SYCE2: variants seen among roughly 807,000 people sequenced by gnomAD.
SYCE2 encodes the protein central element synaptonemal complex 1.
In SYCE2, 3 loss-of-function variants were observed where a neutral mutation model predicts 27.9. The observed-to-expected ratio is 0.11, with a 90% CI of 0.05 to 0.28. SYCE2 has a LOEUF of 0.28. Ranked by LOEUF, SYCE2 falls within the 10% of genes least tolerant of loss-of-function variation. The probability of loss-of-function intolerance (pLI) is 1.00; values close to 1 mark genes in which losing one functional copy is unlikely to be tolerated. For missense variants in SYCE2, 207 were observed against 263.5 expected (o/e 0.79, Z 1.48); for synonymous variants, 85 against 100.7 (o/e 0.84, Z 0.93).
At position 12,911,615 on chromosome 19, in the gene SYCE2, CTTTTTTTT is replaced by C. The variant is rs71168633; in HGVS notation, c.131+6599_131+6606del. Reference sequence around the variant, plus strand: ...CCAACCATGCCTGGATAATTTTTGCCTTTTTTTTTTTTTTTTTTTTTAGACGAGGTCTC... The same window carrying C: ...CCAACCATGCCTGGATAATTTTTGCCTTTTTTTTTTTTTAGACGAGGTCTC... On this transcript the variant is annotated intron_variant, in intron 2 of 5. Transcript: ENST00000293695. 3.9e-5 allele frequency among the ~76,000 whole-genome samples: 4 copies of C among 103,748 alleles called. 1 individual carries two copies. The highest frequency in any genetic ancestry group is 1.2e-4 in the Admixed American group (1 of 8,114). 68.1% of individuals were successfully genotyped at this position (103,748 alleles called of 152,430 possible). A position where few individuals can be genotyped will look rare whatever the true frequency, so the allele number is the denominator to read the frequency against.
intron 2 of SYCE2, among the ~76,000 whole-genome samples, chr19:12,915,266 T>C (rs1240074199): frequency 6.6e-6 from 1 of 152,138 alleles, no homozygotes; most frequent in East Asian, 1.9e-4. Context: ...TGAGAATGGT[T>C]GTCCAGCTCT....
At position 12,918,280 on chromosome 19, in the gene SYCE2, T is replaced by C; in HGVS notation, c.73A>G (p.Lys25Glu). 4 of 1,614,170 alleles carry C rather than the reference T, an allele frequency of 2.5e-6. No individual in the cohort carries two copies. Among genetic ancestry groups the C allele is most frequent in the Non-Finnish European group, 3.4e-6 (4 of 1,180,016 alleles). ...DQEPQPLGES[K>E]EHPRWEENCE... The stretch of plus-strand genomic sequence containing the variant: ...TTCTCTTCCCACCGCGGATGCTCCT[T>C]GCTCTCCCCCAAGGGCTGCGGTTCC... Residue 25 changes from lysine to glutamate, a missense_variant, in exon 2 of 6, where the codon AAG becomes GAG. By Grantham distance (56) the Lys-to-Glu change is moderately conservative (BLOSUM62 1). Coordinates refer to ENST00000293695, the MANE Select transcript of SYCE2 (RefSeq NM_001105578.2).
At position 12,907,050 on chromosome 19, in the gene SYCE2, G is replaced by A. The variant is rs73004676; in HGVS notation, c.132-2384C>T. Among the ~76,000 whole-genome samples, 756 of 152,268 alleles carry A rather than the reference G, an allele frequency of 5.0e-3. 3 individuals carry two copies. Among genetic ancestry groups the A allele is most frequent in the Non-Finnish European group, 7.9e-3 (539 of 68,020 alleles). The stretch of plus-strand genomic sequence containing the variant: ...ATATTTTTTCTTCTTCTGATGCTCT[G>A]GTTTATTTGACCGGTTTGACGTCTG... On this transcript the variant is annotated intron_variant, in intron 2 of 5. Coordinates refer to ENST00000293695, the MANE Select transcript of SYCE2 (RefSeq NM_001105578.2).
chr19:12,915,508 A>C (rs1281399632), intron 2 of SYCE2, among the ~76,000 whole-genome samples: 2 of 150,548 alleles, frequency 1.3e-5, no homozygotes, highest in African/African-American at 4.9e-5. Context: ...AGGCTAAGGC[A>C]GGAGAATTGC....
At chr19:12,899,810 C>T in intron 5 of SYCE2, 194 bp downstream of exon 5, 1 of 1,585,290 alleles carries the variant, frequency 6.3e-7, no homozygotes, top group Non-Finnish European at 8.7e-7. Flanking sequence ...AGCAGCTTCT[C>T]TTGAGAGGAG....
chr19:12,912,420 A>G (rs898294447), intron 2 of SYCE2, among the ~76,000 whole-genome samples: 4 of 148,406 alleles, frequency 2.7e-5, no homozygotes, highest in African/African-American at 7.9e-5. Context: ...AAAGCTGCCA[A>G]AGTTTATGAA....
rs556349110 is a variant in SYCE2, at chr19:12,902,965, T to C, written c.306+1527A>G. ...CTACCATGCCTGGCTAATTTTTTTT[T>C]TTTTTTCGAGACAGCCAAGATCGTG... is the stretch of plus-strand genomic sequence containing the variant. On this transcript the variant is annotated intron_variant, in intron 3 of 5. Transcript: ENST00000293695. Among the ~76,000 whole-genome samples the C allele has an allele frequency of 3.3e-5, 5 of 151,252 alleles. No individual in the cohort carries two copies. In the South Asian group the frequency reaches 1.0e-3, roughly 32 times the overall value.
intron 3 of SYCE2, among the ~76,000 whole-genome samples, chr19:12,901,026 G>A (rs190994643): frequency 2.6e-5 from 4 of 152,180 alleles, no homozygotes; most frequent in South Asian, 2.1e-4. Context: ...AAATTTAGCC[G>A]GGCGAGGTGG....
intron 2 of SYCE2, among the ~76,000 whole-genome samples, chr19:12,907,828 C>G (rs1425319058): frequency 6.6e-6 from 1 of 151,760 alleles, no homozygotes; most frequent in Non-Finnish European, 1.5e-5. Context: ...TCTCAGCTAT[C>G]TCAACCAGGC....
chr19:12,911,083 C>T (rs1971038836), intron 2 of SYCE2, among the ~76,000 whole-genome samples: 1 of 152,198 alleles, frequency 6.6e-6, no homozygotes, highest in South Asian at 2.1e-4. Flanking sequence ...GTGATCCTCT[C>T]GTCTCTGCCT....
intron 2 of SYCE2, among the ~76,000 whole-genome samples, chr19:12,910,803 G>A (rs1294727074): frequency 7.3e-5 from 11 of 151,226 alleles, no homozygotes; most frequent in South Asian, 4.2e-4. Context: ...TCAGCCTCCC[G>A]AGTAGCTGGG....
intron 1 of SYCE2, 96 bp from the exon 2 acceptor site, chr19:12,918,433 C>G: frequency 8.6e-7 from 1 of 1,162,752 alleles, no homozygotes; most frequent in Non-Finnish European, 1.3e-6. Context: ...CCTCGATGTG[C>G]TGCTGCGGGA....
At chr19:12,900,261 CA>C (rs1970808263) in intron 4 of SYCE2, 141 bp from the exon 5 acceptor site, 1 of 1,172,136 alleles carries the variant, frequency 8.5e-7, no homozygotes, top group Admixed American at 2.9e-5. Context: ...TGGGACATGA[CA>C]ACGGTTTGGC....
Position 12,899,208 on chromosome 19 carries a change from C to CT in SYCE2, c.*132dup. ...CATTTTGGGAGTTCAGCACAAGGAG[C>CT]TTTGGGTTTTTGTTTTTTTCTGCCA... On this transcript the variant is annotated 3_prime_UTR_variant, in exon 6 of 6. Coordinates refer to ENST00000293695, the MANE Select transcript of SYCE2 (RefSeq NM_001105578.2). 1 of 805,836 alleles carries CT rather than the reference C, an allele frequency of 1.2e-6. No homozygotes were observed. The highest frequency in any genetic ancestry group is 2.0e-6 in the Non-Finnish European group (1 of 490,432). The allele number at this position is 805,836 out of a possible 1,614,324, so 49.9% of individuals were successfully genotyped here.
At chr19:12,907,969 G>A (rs771422983) in intron 2 of SYCE2, among the ~76,000 whole-genome samples, 2 of 151,916 alleles carry the variant, frequency 1.3e-5, no homozygotes, top group Non-Finnish European at 2.9e-5. Flanking sequence ...AAAATTAGCC[G>A]AGTGTGGTGG....
In SYCE2 at chr19:12,901,772, C is replaced by T. The variant is rs149436232; in HGVS notation, c.307-1124G>A. 7.5e-3 allele frequency among the ~76,000 whole-genome samples: 1,144 copies of T among 152,028 alleles called. 15 individuals are homozygous for T. The highest frequency in any genetic ancestry group is 0.026 in the African/African-American group (1,076 of 41,470). ...CTGGGATTACAGGCGAGCGCCACCA[C>T]ACCCAGCTAACTTTTTGTATTTTTA... On this transcript the variant is annotated intron_variant, in intron 3 of 5. Coordinates refer to ENST00000293695, the MANE Select transcript of SYCE2 (RefSeq NM_001105578.2).
At chr19:12,908,095 C>T (rs1038579451) in intron 2 of SYCE2, among the ~76,000 whole-genome samples, 1 of 151,846 alleles carries the variant, frequency 6.6e-6, no homozygotes, top group African/African-American at 2.4e-5. Context: ...TAGATGATAT[C>T]ACGCCACTGT....
In SYCE2 at chr19:12,900,123, G is replaced by A. The variant is rs895630922; in HGVS notation, c.496-3C>T. The A allele has an allele frequency of 2.7e-5, 43 of 1,599,898 alleles. No individual in the cohort carries two copies. The highest frequency in any genetic ancestry group is 3.7e-5 in the Non-Finnish European group (43 of 1,175,490). ...CCCCATCTGAGTCTTAGGCTCTGCT[G>A]TAAAAAAGAAACCCAGGTTAGCAGT... is the stretch of plus-strand genomic sequence containing the variant. On this transcript the variant is annotated splice_region_variant and splice_polypyrimidine_tract_variant and intron_variant, in intron 4 of 5. Transcript: ENST00000293695.
rs187269362 is a variant in SYCE2 at position 12,901,707 on chromosome 19, C to G, written c.307-1059G>C. Among the ~76,000 whole-genome samples the G allele has an allele frequency of 2.0e-5, 3 of 152,058 alleles. No homozygotes were observed. The East Asian group carries it at 5.9e-4, about 30-fold the overall frequency. On this transcript the variant is annotated intron_variant, in intron 3 of 5. Transcript: ENST00000293695. ...CTTGGCTCACTGCAACCTCCGCCTCCTGGGTTCAAGCGATTCTCCTGCCTC... is the reference window on the plus strand; with the variant it reads ...CTTGGCTCACTGCAACCTCCGCCTCGTGGGTTCAAGCGATTCTCCTGCCTC...
Sources: allele counts gnomAD v4.1 joint callset (sites outside exome capture counted in the v4.1 genomes callset), GRCh38; gene constraint gnomAD v4.1.1; transcripts MANE v1.5; gene names NCBI Gene and HGNC (gene_info 2026-07-23, HGNC 2026-07-21).